AIFM1: variants seen among roughly 807,000 people sequenced by gnomAD.
AIFM1 encodes apoptosis-inducing factor 1, mitochondrial.
A neutral mutation model predicts 51.7 loss-of-function variants in AIFM1; 3 were observed. That is an observed-to-expected ratio of 0.06 (90% CI 0.03 to 0.15). The LOEUF is 0.15. Among genes scored for constraint, AIFM1 ranks in the 10% least tolerant of loss-of-function variants. AIFM1 has a pLI of 1.00. For synonymous variants in AIFM1, 178 were observed against 179.4 expected (o/e 0.99, Z 0.06); for missense variants, 330 against 476.8 (o/e 0.69, Z 2.87).
At chrX:130,165,158 G>A (rs147411389) in intron 1 of AIFM1, among the ~76,000 whole-genome samples, 1,381 of 106,026 alleles carry the variant, frequency 0.013, 11 homozygotes, top group Non-Finnish European at 0.021. Flanking sequence ...ATTTACACAA[G>A]AAACTTAGGC....
rs751119352 is a variant in AIFM1, at chrX:130,138,452, G to A, written c.967+141C>T. The stretch of plus-strand genomic sequence containing the variant: ...TGCACTCCAGCCTGGGTGACAGAGC[G>A]AGACTCCATCTCAAAAAAAAATAAA... On this transcript the variant is annotated intron_variant, in intron 9 of 15. Transcript: ENST00000287295. 1.9e-4 allele frequency: 93 copies of A among 493,509 alleles called. 1 individual carries two copies. The highest frequency in any genetic ancestry group is 1.6e-3 in the Admixed American group (52 of 32,179). The allele number at this position is 493,509 out of a possible 1,213,427, so 40.7% of individuals were successfully genotyped here.
intron 2 of AIFM1, among the ~76,000 whole-genome samples, chrX:130,150,874 T>C (rs2030943429): frequency 2.1e-5 from 2 of 96,912 alleles, no homozygotes; most frequent in East Asian, 3.4e-4. Flanking sequence ...ACTTGGGAGG[T>C]TGAGGCATGG....
In AIFM1 at chrX:130,129,647, C is replaced by T; in HGVS notation, c.1771-19G>A. On this transcript the variant is annotated intron_variant, in intron 15 of 15. Coordinates refer to ENST00000287295, the MANE Select transcript of AIFM1 (RefSeq NM_004208.4). ...TAATGATCTGAGGGAGAGAGAGTAA[C>T]AATAGGTCCCTAACTTACTCCATTG... is the stretch of plus-strand genomic sequence containing the variant. 1.7e-6 allele frequency: 2 copies of T among 1,188,723 alleles called. No homozygotes were observed. Among genetic ancestry groups the T allele is most frequent in the African/African-American group, 3.5e-5 (2 of 57,171 alleles).
At chrX:130,136,944 A>G (rs1244776427) in intron 10 of AIFM1, 134 bp downstream of exon 10, 1 of 1,152,026 alleles carries the variant, frequency 8.7e-7, no homozygotes, top group African/African-American at 1.8e-5. Context: ...AACTTAGCTG[A>G]CTGGAGAATG....
At chrX:130,147,684 A>C (rs1374087952) in intron 4 of AIFM1, 61 bp from the exon 5 acceptor site, 1 of 1,209,922 alleles carries the variant, frequency 8.3e-7, no homozygotes, top group African/African-American at 1.7e-5. Context: ...CAAATGTCAA[A>C]GCATTCACAT....
chrX:130,136,262 T>C lies in AIFM1; in HGVS notation c.1165-77A>G. On this transcript the variant is annotated intron_variant, in intron 11 of 15. Coordinates refer to ENST00000287295, the MANE Select transcript of AIFM1 (RefSeq NM_004208.4). Reference sequence around the variant, plus strand: ...CTACAGGCGTAACAATGGCCCTTCATGCCATTAAGAATTGGGACTTTAAAA... The same window carrying C: ...CTACAGGCGTAACAATGGCCCTTCACGCCATTAAGAATTGGGACTTTAAAA... The C allele has an allele frequency of 3.6e-6, 4 of 1,106,235 alleles. No homozygotes were observed. In the Admixed American group the frequency reaches 6.8e-5, roughly 19 times the overall value. The allele number at this position is 1,106,235 out of a possible 1,213,427, so 91.2% of individuals were successfully genotyped here. A position where few individuals can be genotyped will look rare whatever the true frequency, so the allele number is the denominator to read the frequency against.
At chrX:130,136,938 T>G (rs2030367300) in intron 10 of AIFM1, 140 bp downstream of exon 10, 34 of 1,145,908 alleles carry the variant, frequency 3.0e-5, no homozygotes, top group Non-Finnish European at 3.7e-5. Context: ...TAGATGAACT[T>G]AGCTGACTGG....
intron 3 of AIFM1, among the ~76,000 whole-genome samples, chrX:130,148,261 G>T (rs1031378717): frequency 1.8e-5 from 2 of 111,325 alleles, no homozygotes; most frequent in African/African-American, 6.5e-5. Flanking sequence ...CCTTCCGTTA[G>T]CAACAAAGGG....
At chrX:130,135,610 A>G (rs2030303760) in intron 12 of AIFM1, among the ~76,000 whole-genome samples, 1 of 110,748 alleles carries the variant, frequency 9.0e-6, no homozygotes, top group Admixed American at 9.6e-5. Flanking sequence ...ATAGATTGTA[A>G]AAAACAGCTA....
At chrX:130,132,230 CT>C (rs1464101596) in intron 13 of AIFM1, among the ~76,000 whole-genome samples, 3 of 112,331 alleles carry the variant, frequency 2.7e-5, no homozygotes, top group East Asian at 2.8e-4. Flanking sequence ...GAGATGCCAA[CT>C]GATCTGCTGT....
intron 1 of AIFM1, among the ~76,000 whole-genome samples, chrX:130,163,032 G>T (rs779463127): frequency 2.7e-5 from 3 of 111,725 alleles, no homozygotes; most frequent in Non-Finnish European, 5.6e-5. Context: ...AGATGTCAAC[G>T]AGATAGTTGC....
chrX:130,152,950 C>A (rs2031034546), intron 2 of AIFM1, among the ~76,000 whole-genome samples: 1 of 110,967 alleles, frequency 9.0e-6, no homozygotes, highest in South Asian at 3.8e-4. Flanking sequence ...GTTTTTGAAG[C>A]TTTGTTTCTT....
chrX:130,156,560 C>T lies in AIFM1; in HGVS notation c.150G>A (p.Met50Ile), dbSNP rs1376676018. The change falls in exon 2 of 16, where the codon ATG becomes ATA. Residue 50 changes from methionine (M) to isoleucine (I), a missense_variant. By Grantham distance (10) the Met-to-Ile change is conservative. Transcript: ENST00000287295. Reference protein sequence around the residue: ...QRWHVPLELQMTRQMASSGAS... With the variant: ...QRWHVPLELQITRQMASSGAS... ...CACCAGAGCTAGCCATTTGTCTTGT[C>T]ATCTGGAGTTCTAGAGGAACATGCC... The T allele has an allele frequency of 2.5e-6, 3 of 1,211,544 alleles. No individual in the cohort carries two copies. The highest frequency in any genetic ancestry group is 3.0e-5 in the East Asian group (1 of 33,876).
chrX:130,156,199 G>C (rs1385951829), intron 2 of AIFM1, among the ~76,000 whole-genome samples: 3 of 111,662 alleles, frequency 2.7e-5, no homozygotes, highest in Admixed American at 9.6e-5. Flanking sequence ...CTCGAATCTA[G>C]GAAAACATAG....
chrX:130,155,027 C>A, intron 2 of AIFM1: 3 of 862,446 alleles, frequency 3.5e-6, no homozygotes, highest in Non-Finnish European at 5.1e-6. Flanking sequence ...CTGACAATGT[C>A]CCTTTAATAA....
At chrX:130,133,513 G>C in intron 12 of AIFM1, 58 bp from the exon 13 acceptor site, 1 of 1,168,163 alleles carries the variant, frequency 8.6e-7, no homozygotes, top group East Asian at 3.0e-5. Flanking sequence ...GCAAGTTAAA[G>C]ACAAAATATA....
chrX:130,145,278 T>G lies in AIFM1; in HGVS notation c.696+201A>C, dbSNP rs1409925586. 2.7e-5 allele frequency among the ~76,000 whole-genome samples: 3 copies of G among 111,617 alleles called. No individual in the cohort carries two copies. In the South Asian group the frequency reaches 1.1e-3, roughly 42 times the overall value. On this transcript the variant is annotated intron_variant, in intron 6 of 15. Transcript: ENST00000287295. The stretch of plus-strand genomic sequence containing the variant: ...TAACAGCTTTTAGGGTCAAGTTGAG[T>G]CAGCATGCTAACCTAGGCTTTGATA...
At chrX:130,161,162 T>C (rs1274703963) in intron 1 of AIFM1, among the ~76,000 whole-genome samples, 2 of 110,992 alleles carry the variant, frequency 1.8e-5, no homozygotes, top group African/African-American at 6.6e-5. Context: ...GGTTAAGAGA[T>C]CTATACGTTC....
chrX:130,134,868 G>T (rs2030259064), intron 12 of AIFM1, among the ~76,000 whole-genome samples: 1 of 111,538 alleles, frequency 9.0e-6, no homozygotes, highest in Non-Finnish European at 1.9e-5. Context: ...TACAAAGTCT[G>T]AAGCAACATA....
Sources: allele counts gnomAD v4.1 joint callset (sites outside exome capture counted in the v4.1 genomes callset), GRCh38; gene constraint gnomAD v4.1.1; transcripts MANE v1.5; gene names NCBI Gene and HGNC (gene_info 2026-07-23, HGNC 2026-07-21).